The following FOXP2 variants were observed in gnomAD, a reference collection of about 807,000 sequenced individuals.
FOXP2 encodes forkhead box P2, also known as forkhead box protein P2.
A neutral mutation model predicts 115.8 loss-of-function variants in FOXP2; 12 were observed. The ratio of observed to expected loss-of-function variants is 0.10; its 90% CI spans 0.07 to 0.17. FOXP2 has a LOEUF of 0.17. Among genes scored for constraint, FOXP2 ranks in the 10% least tolerant of loss-of-function variants. FOXP2 has a pLI of 1.00. For synonymous variants in FOXP2, 328 were observed against 297.7 expected (o/e 1.10, Z -1.05); for missense variants, 629 against 843.5 (o/e 0.75, Z 3.15).
intron 6 of FOXP2, among the ~76,000 whole-genome samples, chr7:114,634,877 A>G (rs2129329707): frequency 6.6e-6 from 1 of 152,268 alleles, no homozygotes; most frequent in African/African-American, 2.4e-5. Flanking sequence ...ACTCTAATCC[A>G]CAATATATTC....
intron 1 of FOXP2, among the ~76,000 whole-genome samples, chr7:114,108,089 TTTATC>T (rs1469148232): frequency 6.6e-6 from 1 of 151,962 alleles, no homozygotes; most frequent in East Asian, 1.9e-4. Flanking sequence ...TCCCTGCATC[TTTATC>T]TTATTTATTA....
chr7:114,433,114 C>T (rs1463778841), intron 2 of FOXP2, among the ~76,000 whole-genome samples: 1 of 151,838 alleles, frequency 6.6e-6, no homozygotes, highest in African/African-American at 2.4e-5. Flanking sequence ...TGTTTAGAAG[C>T]TAGGGTGACG....
chr7:114,664,408 A>T lies in FOXP2; in HGVS notation c.1975A>T (p.Ser659Cys). Residue 659 changes from serine (S) to cysteine (C), a missense_variant, in exon 16 of 17, where the codon AGT (serine) becomes TGT (cysteine). Ser to Cys is a moderately radical substitution (Grantham distance 112). Around this residue, in one of 9 missense-constraint regions of FOXP2, gnomAD observed 117 missense variants for 112.3 expected, o/e 1.04. Transcript: ENST00000350908. Reference sequence around the variant, plus strand: ...TCACATTGACAGCAATGGAAACAGTAGTCCGGGCTGCTCACCTCAGCCGCA... The same window carrying T: ...TCACATTGACAGCAATGGAAACAGTTGTCCGGGCTGCTCACCTCAGCCGCA... The part of the protein sequence containing the change: ...LDHIDSNGNS[S>C]PGCSPQPHIH... 1 of 1,613,558 alleles carries T rather than the reference A, an allele frequency of 6.2e-7. No homozygotes were observed. Among genetic ancestry groups the T allele is most frequent in the Non-Finnish European group, 8.5e-7 (1 of 1,179,650 alleles).
intron 2 of FOXP2, among the ~76,000 whole-genome samples, chr7:114,310,181 A>C (rs1797112927): frequency 6.6e-6 from 1 of 152,208 alleles, no homozygotes; most frequent in African/African-American, 2.4e-5. Flanking sequence ...GTATCAGGGA[A>C]GCAGGTCCAG....
intron 2 of FOXP2, among the ~76,000 whole-genome samples, chr7:114,439,061 G>A (rs955188903): frequency 6.6e-6 from 1 of 152,068 alleles, no homozygotes; most frequent in Non-Finnish European, 1.5e-5. Context: ...AAAGTACCTT[G>A]GTATAAATTA....
intron 2 of FOXP2, among the ~76,000 whole-genome samples, chr7:114,347,683 C>T (rs548950379): frequency 2.0e-5 from 3 of 152,082 alleles, no homozygotes; most frequent in Non-Finnish European, 4.4e-5. Flanking sequence ...TTGTCAATTG[C>T]CATAGTGTTG....
chr7:114,384,741 C>CT (rs1010533222), intron 2 of FOXP2, among the ~76,000 whole-genome samples: 8 of 151,296 alleles, frequency 5.3e-5, no homozygotes, highest in East Asian at 1.9e-4. Flanking sequence ...TACCTTTTTG[C>CT]TTTTTTTTGA....
chr7:114,492,950 C>A (rs1328776467), intron 2 of FOXP2, among the ~76,000 whole-genome samples: 1 of 152,096 alleles, frequency 6.6e-6, no homozygotes, highest in Non-Finnish European at 1.5e-5. Context: ...GAGCTGAGTT[C>A]AATTCCTGGA....
chr7:114,364,766 G>T (rs548767741), intron 2 of FOXP2, among the ~76,000 whole-genome samples: 2 of 152,232 alleles, frequency 1.3e-5, no homozygotes, highest in Admixed American at 6.5e-5. Flanking sequence ...TGATTTTGAT[G>T]AGAGTAAATC....
At chr7:114,194,433 A>T (rs976397444) in intron 1 of FOXP2, among the ~76,000 whole-genome samples, 1 of 151,164 alleles carries the variant, frequency 6.6e-6, no homozygotes, top group Non-Finnish European at 1.5e-5. Flanking sequence ...TCTTCTTAAC[A>T]TTGTGTTATT....
At chr7:114,670,876 C>T (rs1445489762) in intron 16 of FOXP2, among the ~76,000 whole-genome samples, 1 of 152,016 alleles carries the variant, frequency 6.6e-6, no homozygotes, top group Non-Finnish European at 1.5e-5. Flanking sequence ...AAATGGAATG[C>T]TCTTTCTCAT....
At chr7:114,190,107 A>G (rs2129157138) in intron 1 of FOXP2, among the ~76,000 whole-genome samples, 1 of 152,248 alleles carries the variant, frequency 6.6e-6, no homozygotes, top group Non-Finnish European at 1.5e-5. Context: ...ACATCATGCT[A>G]CTCTTTCTAT....
chr7:114,100,023 T>C lies in FOXP2; in HGVS notation c.-247+12185T>C, dbSNP rs117129512. ...GTATATTCCATAATATCATGTTGTA[T>C]ACTTTAAAAACGCACAATAAAAATT... is the stretch of plus-strand genomic sequence containing the variant. On this transcript the variant is annotated intron_variant, in intron 1 of 19. Transcript: ENST00000635638. 1.5e-3 allele frequency among the ~76,000 whole-genome samples: 236 copies of C among 152,346 alleles called. 4 individuals carry two copies. The East Asian group carries it at 0.04, about 26-fold the overall frequency.
At chr7:114,248,628 G>C (rs1402558967) in intron 1 of FOXP2, among the ~76,000 whole-genome samples, 1 of 152,202 alleles carries the variant, frequency 6.6e-6, no homozygotes, top group Non-Finnish European at 1.5e-5. Context: ...ACTGAAGAGA[G>C]AGAAAAGAAA....
chr7:114,300,556 C>A (rs1796854507), intron 2 of FOXP2, among the ~76,000 whole-genome samples: 1 of 151,874 alleles, frequency 6.6e-6, no homozygotes, highest in Admixed American at 6.6e-5. Flanking sequence ...AGAAAAAGTT[C>A]TTATTCTCAA....
At chr7:114,402,579 A>G (rs1410283265) in intron 2 of FOXP2, among the ~76,000 whole-genome samples, 3 of 151,936 alleles carry the variant, frequency 2.0e-5, no homozygotes, top group Non-Finnish European at 2.9e-5. Context: ...CTCAGACCAC[A>G]TGGTTTGTTA....
chr7:114,659,825 G>A (rs2129341090), intron 13 of FOXP2, 152 bp downstream of exon 13: 1 of 699,840 alleles, frequency 1.4e-6, no homozygotes, highest in East Asian at 2.7e-5. Flanking sequence ...CTCTCAAAAT[G>A]ACAAGTGAAA....
intron 1 of FOXP2, among the ~76,000 whole-genome samples, chr7:114,107,173 C>G (rs1198358190): frequency 6.6e-6 from 1 of 151,944 alleles, no homozygotes; most frequent in East Asian, 1.9e-4. Context: ...GAATTTTACT[C>G]TTAAGTTGGC....
chr7:114,093,495 T>C (rs1224937572), intron 1 of FOXP2, among the ~76,000 whole-genome samples: 1 of 152,198 alleles, frequency 6.6e-6, no homozygotes, highest in Non-Finnish European at 1.5e-5. Context: ...TTTAACTCAA[T>C]ACTTAGAACA....
Sources: allele counts gnomAD v4.1 joint callset (sites outside exome capture counted in the v4.1 genomes callset), GRCh38; gene constraint gnomAD v4.1.1; regional missense constraint gnomAD v4.1.1; transcripts MANE v1.5; gene names NCBI Gene and HGNC (gene_info 2026-07-23, HGNC 2026-07-21).